Variants in SEC14L3 observed in about 807,000 individuals in gnomAD.
The protein encoded by SEC14L3 is SEC14 like lipid binding 3.
SEC14L3 carries 56 observed loss-of-function variants against 57.4 expected under a neutral mutation model. That is an observed-to-expected ratio of 0.97 (90% CI 0.79 to 1.22). SEC14L3 has a LOEUF of 1.22. SEC14L3 is among the 50% of genes most tolerant of loss of function. The pLI is 0.00. For synonymous variants in SEC14L3, 173 were observed against 194.4 expected (o/e 0.89, Z 0.92); for missense variants, 485 against 511.7 (o/e 0.95, Z 0.50).
intron 7 of SEC14L3, 72 bp downstream of exon 7, chr22:30,466,262 G>A (rs1335006127): frequency 1.1e-5 from 16 of 1,422,048 alleles, no homozygotes; most frequent in Admixed American, 1.8e-5. Context: ...CTGGGACAAA[G>A]ACAGTGTTAT....
At chr22:30,456,416 A>G (rs1044356147), downstream of SEC14L3, among the ~76,000 whole-genome samples, 16 of 152,152 alleles carry the variant, frequency 1.1e-4, no homozygotes, top group South Asian at 6.2e-4. Context: ...TACAGAAAGC[A>G]TGGTGCCGGC....
At chr22:30,455,174 A>G (rs1935096367), downstream of SEC14L3, among the ~76,000 whole-genome samples, 1 of 115,532 alleles carries the variant, frequency 8.7e-6, no homozygotes, top group East Asian at 2.2e-4. Context: ...TTAATATATT[A>G]TATTTAATAT....
chr22:30,470,749 G>A (rs141744893), intron 1 of SEC14L3, 167 bp from the exon 2 acceptor site: 15,013 of 946,178 alleles, frequency 0.016, 171 homozygotes, highest in Middle Eastern at 0.032. Context: ...TCACTGGATA[G>A]GTGGATGAAT....
intron 12 of SEC14L3, among the ~76,000 whole-genome samples, chr22:30,452,411 AT>A (rs1250848018): frequency 1.3e-5 from 2 of 151,408 alleles, no homozygotes; most frequent in Non-Finnish European, 2.9e-5. Context: ...CGACTGGCTA[AT>A]TTTTTGTATT....
At chr22:30,456,202 G>A (rs1935116063), downstream of SEC14L3, among the ~76,000 whole-genome samples, 1 of 151,486 alleles carries the variant, frequency 6.6e-6, no homozygotes, top group Non-Finnish European at 1.5e-5. Flanking sequence ...GGGAGGTTGA[G>A]GTGGGAGAAT....
rs1935195592 is a variant in SEC14L3, at chr22:30,459,892, ATC to A, written c.*127_*128del. 7.0e-7 allele frequency: 1 copy of A among 1,431,836 alleles called. No individual in the cohort carries two copies. Among genetic ancestry groups the A allele is most frequent in the Non-Finnish European group, 9.2e-7 (1 of 1,087,034 alleles). 88.7% of individuals were successfully genotyped at this position (1,431,836 alleles called of 1,614,324 possible). ...ACAGTAGATGAGTTTTCCCCAGGGC[ATC>A]TCTTTCTGTACTCACTAACGTCACA... is the stretch of plus-strand genomic sequence containing the variant. On this transcript the variant is annotated 3_prime_UTR_variant, in exon 12 of 12. Coordinates refer to ENST00000215812, the MANE Select transcript of SEC14L3 (RefSeq NM_174975.5).
Position 30,460,121 on chromosome 22 carries a change from GTGT to G in SEC14L3, c.1100_1102del (p.Asn367del). ...CTTCTTGGCGTGGACAAAGCTATAG[GTGT>G]TGTCGAAGCGTAGGACATCTGGGGG... On this transcript the variant is annotated inframe_deletion, in exon 12 of 12. Coordinates refer to ENST00000215812, the MANE Select transcript of SEC14L3 (RefSeq NM_174975.5). 1 of 1,614,142 alleles carries G rather than the reference GTGT, an allele frequency of 6.2e-7. No individual in the cohort carries two copies. Among genetic ancestry groups the G allele is most frequent in the South Asian group, 1.1e-5 (1 of 91,070 alleles).
Position 30,468,576 on chromosome 22 carries a change from C to T in SEC14L3, c.355G>A (p.Asp119Asn), listed in dbSNP as rs754457366. The change falls in exon 5 of 12, where the codon GAC (aspartate) becomes AAC (asparagine). Residue 119 changes from aspartate to asparagine, a missense_variant. Transcript: ENST00000215812. ...KGLLFSVTKQ[D>N]LLKTKMRDCE... The stretch of plus-strand genomic sequence containing the variant: ...TCCCTCATCTTGGTCTTGAGCAGGT[C>T]CTGCTTGGTGACTGAGAAGAGCAAC... 27 of 1,613,970 alleles carry T rather than the reference C, an allele frequency of 1.7e-5. No homozygotes were observed. Among genetic ancestry groups the T allele is most frequent in the Non-Finnish European group, 2.2e-5 (26 of 1,180,022 alleles).
downstream of SEC14L3, among the ~76,000 whole-genome samples, chr22:30,455,947 T>G (rs1372116090): frequency 6.6e-6 from 1 of 152,212 alleles, no homozygotes; most frequent in Non-Finnish European, 1.5e-5. Flanking sequence ...TTGGTTTTCC[T>G]GCCCTATGCT....
downstream of SEC14L3, among the ~76,000 whole-genome samples, chr22:30,454,917 TA>T (rs1465817466): frequency 2.1e-3 from 90 of 43,028 alleles, 6 homozygotes; most frequent in South Asian, 4.6e-3. Flanking sequence ...TATATTATTA[TA>T]TATTATATAA....
intron 12 of SEC14L3, chr22:30,449,289 A>C: frequency 6.5e-7 from 1 of 1,546,514 alleles, no homozygotes; most frequent in East Asian, 2.5e-5. Flanking sequence ...AAACAAAAAG[A>C]AATGAAAATC....
chr22:30,467,966 CA>C (rs1245033556), intron 5 of SEC14L3, among the ~76,000 whole-genome samples: 2 of 151,970 alleles, frequency 1.3e-5, no homozygotes, highest in Admixed American at 1.3e-4. Context: ...CAAAACAAAG[CA>C]AAAAAACCCA....
downstream of SEC14L3, among the ~76,000 whole-genome samples, chr22:30,457,503 C>T (rs1204360275): frequency 2.6e-5 from 4 of 151,330 alleles, no homozygotes; most frequent in African/African-American, 9.7e-5. Flanking sequence ...ATGCCTCAGC[C>T]TTCTGAGGAG....
intron 6 of SEC14L3, among the ~76,000 whole-genome samples, chr22:30,466,678 T>C (rs528089025): frequency 6.1e-5 from 9 of 147,682 alleles, no homozygotes; most frequent in Admixed American, 2.7e-4. Context: ...GCAGTGTATA[T>C]ACACTTTACA....
chr22:30,455,106 A>AATATTTAATATTTAATATATATT (rs1935089885), downstream of SEC14L3, among the ~76,000 whole-genome samples: 3 of 26,754 alleles, frequency 1.1e-4, no homozygotes, highest in East Asian at 2.8e-3. Flanking sequence ...TAATATATTT[A>AATATTTAATATTTAATATATATT]ATATTTAATA....
rs887901292 is a variant in SEC14L3 at position 30,464,952 on chromosome 22, CA to C, written c.581-50del. The stretch of plus-strand genomic sequence containing the variant: ...ATGGGAAGAAAAGAATTACATTGGG[CA>C]ACCCCCTCCATAATGGTTATAGCCA... On this transcript the variant is annotated intron_variant, in intron 7 of 11. Coordinates refer to ENST00000215812, the MANE Select transcript of SEC14L3 (RefSeq NM_174975.5). The C allele has an allele frequency of 2.5e-6, 4 of 1,611,944 alleles. No homozygotes were observed. The African/African-American group carries it at 5.3e-5, about 22-fold the overall frequency.
chr22:30,451,333 C>T (rs972456264), intron 12 of SEC14L3, among the ~76,000 whole-genome samples: 1 of 152,100 alleles, frequency 6.6e-6, no homozygotes, highest in Non-Finnish European at 1.5e-5. Context: ...GGGATGGACA[C>T]TGACCTTAAG....
chr22:30,453,966 C>G (rs377602711), intron 12 of SEC14L3, among the ~76,000 whole-genome samples: 20 of 152,262 alleles, frequency 1.3e-4, no homozygotes, highest in South Asian at 1.0e-3. Flanking sequence ...TCTCCTCCCC[C>G]CAACTGCTGT....
intron 11 of SEC14L3, among the ~76,000 whole-genome samples, chr22:30,460,426 G>T (rs2074649): frequency 0.42 from 63,179 of 152,052 alleles, 14,735 homozygotes; most frequent in African/African-American, 0.62. Context: ...CGCACATGAC[G>T]GGGCTGTGAA....
Sources: gnomAD v4.1 joint callset for allele counts (sites outside exome capture counted in the v4.1 genomes callset) on GRCh38, gnomAD v4.1.1 for gene constraint, MANE v1.5 for transcripts, NCBI Gene and HGNC (gene_info 2026-07-23, HGNC 2026-07-21) for gene names.